The following SPMIP7 variants were observed in gnomAD, a reference collection of about 807,000 sequenced individuals.
SPMIP7 encodes sperm microtubule inner protein 7, also known as protein SPMIP7.
At chr7:50,144,067 T>C in the SPMIP7 span, among the ~76,000 whole-genome samples, 4 of 152,242 alleles carry the variant, frequency 2.6e-5, no homozygotes, top group African/African-American at 9.6e-5. Context: ...GGTCAGAATA[T>C]GTAAACATTC....
At chr7:50,132,219 TTGAACTTGC>T in the SPMIP7 span, among the ~76,000 whole-genome samples, 76 of 152,240 alleles carry the variant, frequency 5.0e-4, no homozygotes, top group Middle Eastern at 3.4e-3. Context: ...GGGATCCTTG[TTGAACTTGC>T]TGAACTTGCT....
the SPMIP7 span, among the ~76,000 whole-genome samples, chr7:50,105,002 A>G: frequency 2.0e-5 from 3 of 152,332 alleles, no homozygotes; most frequent in Non-Finnish European, 2.9e-5. Flanking sequence ...CAGAAGCCCA[A>G]TGTTGTTAAG....
At chr7:50,110,696 A>G in the SPMIP7 span, among the ~76,000 whole-genome samples, 1 of 121,040 alleles carries the variant, frequency 8.3e-6, no homozygotes, top group East Asian at 2.3e-4. Flanking sequence ...TTATATATAC[A>G]TATTATTATA....
chr7:50,098,617 A>ATT, the SPMIP7 span, among the ~76,000 whole-genome samples: 3 of 152,152 alleles, frequency 2.0e-5, no homozygotes, highest in Admixed American at 2.0e-4. Context: ...GAATTGGTAT[A>ATT]TTTGATTGCT....
chr7:50,125,585 G>GGT, the SPMIP7 span, among the ~76,000 whole-genome samples: 7,837 of 140,806 alleles, frequency 0.056, 332 homozygotes, highest in African/African-American at 0.12. Context: ...AAGAAAATAT[G>GGT]GTGTGTGTGT....
At chr7:50,120,923 AT>A in the SPMIP7 span, among the ~76,000 whole-genome samples, 3 of 152,128 alleles carry the variant, frequency 2.0e-5, no homozygotes, top group African/African-American at 7.2e-5. Flanking sequence ...TGAATTTTGA[AT>A]TGTTTGTTCT....
At chr7:50,107,011 C>T in the SPMIP7 span, among the ~76,000 whole-genome samples, 69 of 150,908 alleles carry the variant, frequency 4.6e-4, no homozygotes, top group South Asian at 6.3e-4. Context: ...CCAAGGTGGG[C>T]GGATCACCTG....
chr7:50,155,619 G>A, the SPMIP7 span, among the ~76,000 whole-genome samples: 1 of 152,052 alleles, frequency 6.6e-6, no homozygotes, highest in East Asian at 1.9e-4. Context: ...ACATAATCAA[G>A]CCATCCAATG....
the SPMIP7 span, among the ~76,000 whole-genome samples, chr7:50,146,107 A>T: frequency 5.9e-5 from 9 of 152,194 alleles, no homozygotes; most frequent in African/African-American, 2.2e-4. Flanking sequence ...GAATAACTCT[A>T]TGAATAGTAG....
chr7:50,148,302 GTAATC>G, the SPMIP7 span, among the ~76,000 whole-genome samples: 1 of 152,314 alleles, frequency 6.6e-6, no homozygotes, highest in Non-Finnish European at 1.5e-5. Flanking sequence ...TAAATATGAT[GTAATC>G]TAATAGCATT....
chr7:50,104,364 C>T, the SPMIP7 span: 67 of 1,540,604 alleles, frequency 4.3e-5, no homozygotes, highest in Middle Eastern at 5.0e-4. Context: ...TCATGAAGGA[C>T]GCTCATTAAG....
the SPMIP7 span, among the ~76,000 whole-genome samples, chr7:50,135,500 T>C: frequency 6.6e-6 from 1 of 152,124 alleles, no homozygotes; most frequent in Non-Finnish European, 1.5e-5. Context: ...GAAAAACATG[T>C]CTTTAATATA....
chr7:50,116,660 A>C, the SPMIP7 span, among the ~76,000 whole-genome samples: 2 of 152,234 alleles, frequency 1.3e-5, no homozygotes, highest in African/African-American at 4.8e-5. Flanking sequence ...TAAAAAGTTT[A>C]GAGCTTCCTA....
At chr7:50,125,377 C>CACACATATATATACACATATATATACAT in the SPMIP7 span, among the ~76,000 whole-genome samples, 13 of 9,732 alleles carry the variant, frequency 1.3e-3, no homozygotes, top group South Asian at 3.1e-3. Context: ...TATATATACA[C>CACACATATATATACACATATATATACAT]ATATACACAC....
At chr7:50,133,347 G>T in the SPMIP7 span, among the ~76,000 whole-genome samples, 1 of 152,070 alleles carries the variant, frequency 6.6e-6, no homozygotes, top group South Asian at 2.1e-4. Context: ...GGAATAGTGG[G>T]ACTGTTGCTG....
At chr7:50,134,344 T>G in the SPMIP7 span, 39 of 1,000,562 alleles carry the variant, frequency 3.9e-5, no homozygotes, top group Non-Finnish European at 5.0e-5. Flanking sequence ...TTGTTAACAA[T>G]ACCTAAGGAA....
the SPMIP7 span, among the ~76,000 whole-genome samples, chr7:50,138,697 C>G: frequency 3.4e-4 from 52 of 151,872 alleles, 4 homozygotes; most frequent in South Asian, 0.011. Context: ...ATCAAGGATA[C>G]CATTTTTAAA....
the SPMIP7 span, among the ~76,000 whole-genome samples, chr7:50,136,392 T>C: frequency 2.0e-5 from 3 of 152,054 alleles, no homozygotes; most frequent in East Asian, 1.9e-4. Flanking sequence ...AACCCTAACA[T>C]GGTGAAACCC....
the SPMIP7 span, among the ~76,000 whole-genome samples, chr7:50,100,609 G>A: frequency 2.6e-5 from 4 of 152,000 alleles, no homozygotes; most frequent in Non-Finnish European, 2.9e-5. Context: ...TCAGGAGATC[G>A]AGACCATTCA....
Sources: gnomAD v4.1 joint callset for allele counts (sites outside exome capture counted in the v4.1 genomes callset) on GRCh38, gnomAD v4.1.1 for gene constraint, MANE v1.5 for transcripts, NCBI Gene and HGNC (gene_info 2026-07-23, HGNC 2026-07-21) for gene names.